The following ARVCF variants were observed in gnomAD, a reference collection of about 807,000 sequenced individuals.
The protein encoded by ARVCF is splicing regulator ARVCF.
ARVCF carries 66 observed loss-of-function variants against 90.9 expected under a neutral mutation model. That is an observed-to-expected ratio of 0.73 (90% CI 0.60 to 0.89). The LOEUF is 0.89. ARVCF is among the 40% of genes least tolerant of loss of function. The probability of loss-of-function intolerance (pLI) is 0.00; values close to 1 mark genes in which losing one functional copy is unlikely to be tolerated. For missense variants in ARVCF, 1,469 were observed against 1,382.3 expected (o/e 1.06, Z -1.00); for synonymous variants, 653 against 603.4 (o/e 1.08, Z -1.21).
chr22:19,987,561 G>C (rs1415825096), intron 3 of ARVCF, among the ~76,000 whole-genome samples: 2 of 152,064 alleles, frequency 1.3e-5, no homozygotes, highest in Admixed American at 6.5e-5. Flanking sequence ...TTCCGGCAGG[G>C]CAGGTGCCCG....
chr22:19,990,989 G>T (rs1243179462), intron 2 of ARVCF, among the ~76,000 whole-genome samples, 177 bp from the exon 3 acceptor site: 1 of 152,258 alleles, frequency 6.6e-6, no homozygotes, highest in South Asian at 2.1e-4. Flanking sequence ...TCCGAGGCTG[G>T]CCGGAAGCAG....
intron 11 of ARVCF, 66 bp from the exon 12 acceptor site, chr22:19,974,305 G>A (rs749983318): frequency 2.7e-6 from 4 of 1,492,714 alleles, no homozygotes; most frequent in Non-Finnish European, 3.6e-6. Context: ...TACCCCTCCC[G>A]CTTCCCGCTT....
chr22:19,971,163 C>G, intron 19 of ARVCF, 53 bp downstream of exon 19: 1 of 1,550,772 alleles, frequency 6.4e-7, no homozygotes, highest in Admixed American at 2.0e-5. Flanking sequence ...AACAAGAAGC[C>G]CTGGCCCAGA....
rs1943382496 is a variant in ARVCF at position 19,979,844 on chromosome 22, T to C, written c.1295A>G (p.Asp432Gly). Residue 432 changes from aspartate to glycine, a missense_variant, in exon 6 of 20, where the codon GAC becomes GGC. Physicochemically the swap from Asp to Gly is moderately conservative, Grantham distance 94. Transcript: ENST00000263207. The stretch of plus-strand genomic sequence containing the variant: ...CCGGATGGCGGCCTTGTTGTCAGTG[T>C]CGCGGCCATAGGAGAGGTTGCGCAG... ...GALRNLSYGR[D>G]TDNKAAIRDC... 1 of 1,609,308 alleles carries C rather than the reference T, an allele frequency of 6.2e-7. No individual in the cohort carries two copies. Among genetic ancestry groups the C allele is most frequent in the South Asian group, 1.1e-5 (1 of 90,570 alleles).
At chr22:19,968,111 C>G (rs1942523533), downstream of ARVCF, among the ~76,000 whole-genome samples, 1 of 152,170 alleles carries the variant, frequency 6.6e-6, no homozygotes, top group African/African-American at 2.4e-5. Context: ...TCACCCTGGT[C>G]AGGCCAATAT....
At chr22:19,974,668 A>G (rs969206918) in intron 11 of ARVCF, among the ~76,000 whole-genome samples, 3 of 152,068 alleles carry the variant, frequency 2.0e-5, no homozygotes, top group Non-Finnish European at 2.9e-5. Context: ...CCACACCCCT[A>G]GCAAGAGGAC....
intron 3 of ARVCF, 147 bp from the exon 4 acceptor site, chr22:19,982,238 G>T: frequency 9.5e-7 from 1 of 1,052,184 alleles, no homozygotes; most frequent in Non-Finnish European, 1.3e-6. Flanking sequence ...CCCACCCCAA[G>T]GCCTGTTTCG....
intron 1 of ARVCF, among the ~76,000 whole-genome samples, chr22:20,016,355 C>T (rs1945154352): frequency 6.6e-6 from 1 of 152,170 alleles, no homozygotes; most frequent in Admixed American, 6.5e-5. Flanking sequence ...GAGACCCGCC[C>T]CCGCCGGCCC....
intron 3 of ARVCF, among the ~76,000 whole-genome samples, chr22:19,989,052 G>A (rs1943927213): frequency 6.6e-6 from 1 of 152,190 alleles, no homozygotes; most frequent in Admixed American, 6.5e-5. Flanking sequence ...GGGAGGGTTG[G>A]ACTGAGCACA....
Position 19,979,945 on chromosome 22 carries a change from C to T in ARVCF, c.1194G>A (p.Gln398=), listed in dbSNP as rs757382128. The part of the protein sequence containing the change: ...ENEGVKRRVR[Q]LRGLPLLVAL... ...CCACAAGCAGCGGCAGCCCCCGCAACTGCCGTACACGCCGCTTGACACCCT... is the reference window on the plus strand; with the variant it reads ...CCACAAGCAGCGGCAGCCCCCGCAATTGCCGTACACGCCGCTTGACACCCT... Residue 398 remains glutamine (Q), a synonymous_variant, in exon 6 of 20, where the codon CAG becomes CAA. Coordinates refer to ENST00000263207, the MANE Select transcript of ARVCF (RefSeq NM_001670.3). The T allele has an allele frequency of 6.3e-7, 1 of 1,595,754 alleles. No individual in the cohort carries two copies.
At chr22:19,969,362 T>C (rs35478083), downstream of ARVCF, 8,130 of 153,292 alleles carry the variant, frequency 0.053, 286 homozygotes, top group African/African-American at 0.081. Flanking sequence ...CTGGGCCCCA[T>C]GTGGCACAGA....
At chr22:19,996,900 G>A (rs878928038) in intron 2 of ARVCF, among the ~76,000 whole-genome samples, 1 of 152,200 alleles carries the variant, frequency 6.6e-6, no homozygotes, top group Admixed American at 6.5e-5. Flanking sequence ...TCGGGGGTTG[G>A]GTAGAGGGAC....
downstream of ARVCF, chr22:19,967,061 C>T (rs778643216): frequency 1.3e-4 from 155 of 1,214,700 alleles, no homozygotes; most frequent in Non-Finnish European, 1.6e-4. Context: ...CCTTCTTTCC[C>T]CTCTTGACCA....
intron 2 of ARVCF, among the ~76,000 whole-genome samples, chr22:20,001,947 C>T (rs946861221): frequency 6.6e-6 from 1 of 152,164 alleles, no homozygotes; most frequent in African/African-American, 2.4e-5. Context: ...CCTCCCAACC[C>T]CAACAGCAAA....
At position 19,979,100 on chromosome 22, in the gene ARVCF, A is replaced by G. The variant is rs1943332285; in HGVS notation, c.1397-20T>C. 1 of 1,607,498 alleles carries G rather than the reference A, an allele frequency of 6.2e-7. No homozygotes were observed. Among genetic ancestry groups the G allele is most frequent in the Non-Finnish European group, 8.5e-7 (1 of 1,175,936 alleles). ...GGGTGCCTGTGGGGTGCGATTGGCC[A>G]ATCTGTGCTGACCATATGCACCGCC... On this transcript the variant is annotated intron_variant, in intron 6 of 19. Transcript: ENST00000263207.
chr22:20,003,791 C>A (rs979323107), intron 2 of ARVCF, among the ~76,000 whole-genome samples: 1 of 152,194 alleles, frequency 6.6e-6, no homozygotes, highest in African/African-American at 2.4e-5. Context: ...GAAAGCTTTT[C>A]TCCTAAGATC....
chr22:19,971,855 G>A (rs1254404127), intron 18 of ARVCF, 31 bp downstream of exon 18: 1 of 1,610,700 alleles, frequency 6.2e-7, no homozygotes, highest in Non-Finnish European at 8.5e-7. Flanking sequence ...GGCCTCACCG[G>A]GGACCTGCCC....
chr22:19,983,808 G>A (rs1257199314), intron 3 of ARVCF: 1 of 152,274 alleles, frequency 6.6e-6, no homozygotes, highest in Non-Finnish European at 1.5e-5. Context: ...CTAGGAAAAG[G>A]GGACCTGTTC....
At chr22:20,011,129 G>A (rs1944814007) in intron 1 of ARVCF, among the ~76,000 whole-genome samples, 1 of 152,244 alleles carries the variant, frequency 6.6e-6, no homozygotes, top group Non-Finnish European at 1.5e-5. Flanking sequence ...AGCCTGGGGA[G>A]CTGAGGCTTA....
Sources: gnomAD v4.1 joint callset for allele counts (sites outside exome capture counted in the v4.1 genomes callset) on GRCh38, gnomAD v4.1.1 for gene constraint, MANE v1.5 for transcripts, NCBI Gene and HGNC (gene_info 2026-07-23, HGNC 2026-07-21) for gene names.